SPOCK1: variants seen among roughly 807,000 people sequenced by gnomAD.
SPOCK1 encodes the protein SPARC (osteonectin), cwcv and kazal like domains proteoglycan 1.
In SPOCK1, 23 loss-of-function variants were observed where a neutral mutation model predicts 55.3. The ratio of observed to expected loss-of-function variants is 0.42; its 90% confidence interval spans 0.30 to 0.59. SPOCK1 has a LOEUF of 0.59. SPOCK1 is among the 20% of genes least tolerant of loss of function. The pLI is 0.22. For missense variants in SPOCK1, 499 were observed against 552.5 expected (o/e 0.90, Z 0.97); for synonymous variants, 226 against 221.0 (o/e 1.02, Z -0.20).
chr5:137,419,277 A>G (rs543268852), intron 2 of SPOCK1, among the ~76,000 whole-genome samples: 2 of 152,238 alleles, frequency 1.3e-5, no homozygotes, highest in African/African-American at 4.8e-5. Flanking sequence ...TTGACTTGGA[A>G]ATGCAGGCTC....
At chr5:137,404,544 G>A (rs142441514) in intron 2 of SPOCK1, among the ~76,000 whole-genome samples, 2,067 of 150,830 alleles carry the variant, frequency 0.014, 43 homozygotes, top group African/African-American at 0.047. Flanking sequence ...CCAGTAGCTC[G>A]GATTACAGGC....
intron 3 of SPOCK1, among the ~76,000 whole-genome samples, chr5:137,200,139 T>C (rs1434899166): frequency 2.0e-5 from 3 of 152,190 alleles, no homozygotes; most frequent in African/African-American, 7.2e-5. Context: ...CATGGCCCCA[T>C]GGCTTCTCTG....
chr5:137,396,265 C>T (rs1751845315), intron 2 of SPOCK1, among the ~76,000 whole-genome samples: 1 of 152,130 alleles, frequency 6.6e-6, no homozygotes, highest in Admixed American at 6.5e-5. Flanking sequence ...TAGAAAACAC[C>T]ACCAGCAAGC....
chr5:137,089,321 T>C (rs1411867713), intron 5 of SPOCK1, among the ~76,000 whole-genome samples: 1 of 152,250 alleles, frequency 6.6e-6, no homozygotes, highest in Non-Finnish European at 1.5e-5. Flanking sequence ...GGTTAGTCCT[T>C]CTAGGGAAGG....
intron 9 of SPOCK1, among the ~76,000 whole-genome samples, chr5:136,984,855 AG>A (rs1188518215): frequency 9.2e-5 from 14 of 152,326 alleles, no homozygotes; most frequent in Admixed American, 4.6e-4. Context: ...GAAAAAGCCA[AG>A]ATTTGTTTTA....
At chr5:137,048,912 C>A (rs1298859151) in intron 6 of SPOCK1, among the ~76,000 whole-genome samples, 1 of 76,924 alleles carries the variant, frequency 1.3e-5, no homozygotes, top group Non-Finnish European at 2.6e-5. Flanking sequence ...CTTAGTTTGG[C>A]TGGATATGAA....
At chr5:137,347,391 G>A (rs928115405) in intron 2 of SPOCK1, among the ~76,000 whole-genome samples, 1 of 152,092 alleles carries the variant, frequency 6.6e-6, no homozygotes, top group African/African-American at 2.4e-5. Flanking sequence ...ACAACCACCA[G>A]TCTCCACCTG....
intron 2 of SPOCK1, among the ~76,000 whole-genome samples, chr5:137,401,189 C>A (rs1751968527): frequency 6.6e-6 from 1 of 152,164 alleles, no homozygotes; most frequent in African/African-American, 2.4e-5. Flanking sequence ...AGGTCCCACT[C>A]ATGGAAACAC....
At chr5:137,460,962 G>C (rs1271137288) in intron 2 of SPOCK1, among the ~76,000 whole-genome samples, 2 of 152,034 alleles carry the variant, frequency 1.3e-5, no homozygotes, top group African/African-American at 4.8e-5. Context: ...TTTAACTTTT[G>C]TGCCCCCAAG....
intron 2 of SPOCK1, among the ~76,000 whole-genome samples, chr5:137,389,035 G>T (rs1359301817): frequency 6.6e-6 from 1 of 152,144 alleles, no homozygotes; most frequent in Non-Finnish European, 1.5e-5. Flanking sequence ...GACCAATCAA[G>T]ACAGGATGAG....
intron 7 of SPOCK1, among the ~76,000 whole-genome samples, chr5:136,990,669 A>AGAT (rs1750933558): frequency 6.6e-6 from 1 of 151,740 alleles, no homozygotes; most frequent in Non-Finnish European, 1.5e-5. Flanking sequence ...GCTGAATGAG[A>AGAT]GATAATTTAC....
Position 137,108,554 on chromosome 5 carries a change from G to A in SPOCK1, c.474+3881C>T, listed in dbSNP as rs573918582. On this transcript the variant is annotated intron_variant, in intron 5 of 10. Transcript: ENST00000394945. The stretch of plus-strand genomic sequence containing the variant: ...CAGATACCCAGGCAGGAGACCATGG[G>A]CGTAAAACTCCCACTATCCTTGTCT... Among the ~76,000 whole-genome samples, 8 of 152,254 alleles carry A rather than the reference G, an allele frequency of 5.3e-5. No individual in the cohort carries two copies. In the East Asian group the frequency reaches 1.5e-3, roughly 29 times the overall value.
intron 2 of SPOCK1, among the ~76,000 whole-genome samples, chr5:137,395,746 G>A (rs1454314378): frequency 6.6e-6 from 1 of 152,210 alleles, no homozygotes; most frequent in East Asian, 1.9e-4. Flanking sequence ...TTCCTGCAAG[G>A]CGTGGAGCTG....
chr5:137,390,611 G>C (rs1443199148), intron 2 of SPOCK1, among the ~76,000 whole-genome samples: 2 of 152,154 alleles, frequency 1.3e-5, no homozygotes, highest in African/African-American at 4.8e-5. Context: ...GAGATTGAGA[G>C]AAACACCAGA....
At chr5:137,459,369 G>A (rs568601257) in intron 2 of SPOCK1, among the ~76,000 whole-genome samples, 26 of 151,908 alleles carry the variant, frequency 1.7e-4, no homozygotes, top group East Asian at 1.3e-3. Flanking sequence ...CAAGCCTTAG[G>A]GGAACTTTCC....
At chr5:137,376,040 T>C (rs1751306562) in intron 2 of SPOCK1, among the ~76,000 whole-genome samples, 1 of 152,182 alleles carries the variant, frequency 6.6e-6, no homozygotes, top group Non-Finnish European at 1.5e-5. Context: ...TTGCTGGCTA[T>C]CTCAACAACC....
intron 2 of SPOCK1, among the ~76,000 whole-genome samples, chr5:137,443,007 G>A (rs543240051): frequency 2.4e-4 from 36 of 152,174 alleles, no homozygotes; most frequent in African/African-American, 8.2e-4. Context: ...CCAAGTTACT[G>A]AGGTCCCCTA....
At chr5:137,200,090 C>T (rs1402031945) in intron 3 of SPOCK1, among the ~76,000 whole-genome samples, 1 of 152,206 alleles carries the variant, frequency 6.6e-6, no homozygotes, top group Non-Finnish European at 1.5e-5. Flanking sequence ...TCTGTGATCC[C>T]ATGATATCAC....
intron 4 of SPOCK1, among the ~76,000 whole-genome samples, chr5:137,123,869 T>C (rs752824294): frequency 2.6e-5 from 4 of 152,118 alleles, no homozygotes; most frequent in Non-Finnish European, 4.4e-5. Context: ...TTCCATGAGA[T>C]AGATCCACAA....
Sources: allele counts gnomAD v4.1 joint callset (sites outside exome capture counted in the v4.1 genomes callset), GRCh38; gene constraint gnomAD v4.1.1; transcripts MANE v1.5; gene names NCBI Gene and HGNC (gene_info 2026-07-23, HGNC 2026-07-21).